Variants in PPP4R4 observed in about 807,000 individuals in gnomAD.
The protein encoded by PPP4R4 is protein phosphatase 4 regulatory subunit 4, also known as serine/threonine-protein phosphatase 4 regulatory subunit 4.
PPP4R4 carries 70 observed loss-of-function variants against 121.8 expected under a neutral mutation model. The ratio of observed to expected loss-of-function variants is 0.57; its 90% CI spans 0.47 to 0.70. The LOEUF is 0.70. PPP4R4 is among the 30% of genes least tolerant of loss of function. The pLI is 0.00. For synonymous variants in PPP4R4, 348 were observed against 355.7 expected (o/e 0.98, Z 0.24); for missense variants, 875 against 1,033.6 (o/e 0.85, Z 2.10).
intron 14 of PPP4R4, among the ~76,000 whole-genome samples, chr14:94,249,170 A>T (rs1566689031): frequency 6.6e-6 from 1 of 152,066 alleles, no homozygotes; most frequent in Non-Finnish European, 1.5e-5. Flanking sequence ...AATGAAAGAA[A>T]AGAATAATAT....
chr14:94,190,936 T>C (rs969649034), intron 2 of PPP4R4, among the ~76,000 whole-genome samples: 3 of 151,724 alleles, frequency 2.0e-5, no homozygotes, highest in African/African-American at 4.8e-5. Flanking sequence ...TGACCCTACA[T>C]ATACAGACAC....
At position 94,242,340 on chromosome 14, in the gene PPP4R4, A is replaced by G. The variant is rs1443805257; in HGVS notation, c.1198A>G (p.Thr400Ala). The change falls in exon 11 of 25, where the codon ACA (threonine) becomes GCA (alanine). Residue 400 changes from threonine to alanine, a missense_variant. Physicochemically the swap from Thr to Ala is moderately conservative, Grantham distance 58 (BLOSUM62 0). Coordinates refer to ENST00000304338, the MANE Select transcript of PPP4R4 (RefSeq NM_058237.2). ...AAACTTCCACATGGAACTCTATTCT[A>G]CATTCTTCTGCCTTTGCCATGACCC... The part of the protein sequence containing the change: ...PKNFHMELYS[T>A]FFCLCHDPEV... 5 of 1,608,884 alleles carry G rather than the reference A, an allele frequency of 3.1e-6. No individual in the cohort carries two copies. The Admixed American group carries it at 5.0e-5, about 16-fold the overall frequency.
At chr14:94,212,947 A>G (rs1890821572) in intron 3 of PPP4R4, among the ~76,000 whole-genome samples, 1 of 152,214 alleles carries the variant, frequency 6.6e-6, no homozygotes, top group Non-Finnish European at 1.5e-5. Flanking sequence ...CATTTTGGCA[A>G]CCATAAATTT....
rs139248222 is a variant in PPP4R4, at chr14:94,276,611, C to T, written c.2597+1090C>T. 3.3e-5 allele frequency among the ~76,000 whole-genome samples: 5 copies of T among 149,796 alleles called. No individual in the cohort carries two copies. In the East Asian group the frequency reaches 9.9e-4, roughly 30 times the overall value. On this transcript the variant is annotated intron_variant, in intron 24 of 24. Coordinates refer to ENST00000304338, the MANE Select transcript of PPP4R4 (RefSeq NM_058237.2). ...TAAATGATCAGATCTTGCGAGAACT[C>T]ACTGTCACAAAGAAAACACCAAGCC...
chr14:94,223,928 T>TAGAA, intron 3 of PPP4R4, among the ~76,000 whole-genome samples: 1 of 152,240 alleles, frequency 6.6e-6, no homozygotes, highest in Admixed American at 6.5e-5. Flanking sequence ...GATTGTTTTC[T>TAGAA]AACAATACGT....
chr14:94,177,369 T>TTA (rs1433277686), intron 2 of PPP4R4, among the ~76,000 whole-genome samples: 1 of 152,240 alleles, frequency 6.6e-6, no homozygotes, highest in African/African-American at 2.4e-5. Context: ...TTTTGGGTGT[T>TTA]TACTTAGAGA....
At chr14:94,252,712 G>A (rs1231017031) in intron 16 of PPP4R4, among the ~76,000 whole-genome samples, 2 of 152,164 alleles carry the variant, frequency 1.3e-5, no homozygotes, top group Non-Finnish European at 2.9e-5. Context: ...CAGATCTGCA[G>A]GAAAGAGAGA....
At chr14:94,200,069 C>G (rs943735792) in intron 2 of PPP4R4, among the ~76,000 whole-genome samples, 2 of 152,102 alleles carry the variant, frequency 1.3e-5, no homozygotes, top group Admixed American at 1.3e-4. Context: ...CGGCACTTCC[C>G]TGCACCCCCT....
chr14:94,228,435 G>A (rs1891837788), intron 3 of PPP4R4, among the ~76,000 whole-genome samples: 1 of 152,130 alleles, frequency 6.6e-6, no homozygotes, highest in South Asian at 2.1e-4. Context: ...ATCCCCTATT[G>A]TGATGACTGA....
At chr14:94,206,659 G>A (rs1488549833) in intron 2 of PPP4R4, among the ~76,000 whole-genome samples, 2 of 151,684 alleles carry the variant, frequency 1.3e-5, no homozygotes, top group African/African-American at 4.8e-5. Context: ...TAATGTTCCT[G>A]ACATCTGTTC....
At chr14:94,186,709 C>T (rs1889305426) in intron 2 of PPP4R4, among the ~76,000 whole-genome samples, 1 of 152,186 alleles carries the variant, frequency 6.6e-6, no homozygotes, top group Non-Finnish European at 1.5e-5. Context: ...TACATTTCCA[C>T]CAGCAGTATA....
intron 14 of PPP4R4, among the ~76,000 whole-genome samples, chr14:94,247,521 A>G (rs374624420): frequency 1.4e-4 from 21 of 152,212 alleles, no homozygotes; most frequent in African/African-American, 2.4e-5. Flanking sequence ...TACTGAAACT[A>G]TTCAAAAAAT....
At chr14:94,235,442 C>T (rs1892289543) in intron 7 of PPP4R4, among the ~76,000 whole-genome samples, 1 of 137,588 alleles carries the variant, frequency 7.3e-6, no homozygotes. Context: ...CTCTGTCACC[C>T]AGGCTGGAGT....
At chr14:94,262,743 TC>T (rs1308777142) in intron 19 of PPP4R4, among the ~76,000 whole-genome samples, 8 of 152,126 alleles carry the variant, frequency 5.3e-5, no homozygotes, top group Non-Finnish European at 7.4e-5. Context: ...TAAATTTCCC[TC>T]TGGTATTTTT....
intron 19 of PPP4R4, among the ~76,000 whole-genome samples, chr14:94,260,608 T>C (rs1017383724): frequency 2.6e-5 from 4 of 152,182 alleles, no homozygotes; most frequent in African/African-American, 7.2e-5. Context: ...ATCTTGTCTT[T>C]GCTTACTGGC....
rs766859856 is a variant in PPP4R4, at chr14:94,259,293, A to G, written c.2053-2A>G. The stretch of plus-strand genomic sequence containing the variant: ...CACAATTTCATTTTAAACTTTAAAC[A>G]GTTTCAGAAAAAGTTTTATGAGAAA... On this transcript the variant is annotated splice_acceptor_variant, in intron 18 of 24. Transcript: ENST00000304338. LOFTEE classifies it high-confidence loss of function. 3.1e-6 allele frequency: 5 copies of G among 1,600,994 alleles called. No individual in the cohort carries two copies. The highest frequency in any genetic ancestry group is 4.3e-6 in the Non-Finnish European group (5 of 1,175,784).
At chr14:94,250,405 T>C in intron 15 of PPP4R4, 128 bp downstream of exon 15, 1 of 616,286 alleles carries the variant, frequency 1.6e-6, no homozygotes, top group South Asian at 2.2e-5. Flanking sequence ...AAGATGATTT[T>C]TATTTTCTAG....
chr14:94,230,388 T>C (rs1414426197), intron 3 of PPP4R4, among the ~76,000 whole-genome samples, 199 bp from the exon 4 acceptor site: 1 of 152,226 alleles, frequency 6.6e-6, no homozygotes, highest in East Asian at 1.9e-4. Flanking sequence ...CCTAAGACAC[T>C]TAAATTTTAT....
intron 6 of PPP4R4, among the ~76,000 whole-genome samples, chr14:94,234,232 A>G (rs865950549): frequency 6.6e-6 from 1 of 152,190 alleles, no homozygotes; most frequent in Non-Finnish European, 1.5e-5. Context: ...TATAATTATG[A>G]TACAAGAGTA....
Sources: allele counts gnomAD v4.1 joint callset (sites outside exome capture counted in the v4.1 genomes callset), GRCh38; gene constraint gnomAD v4.1.1; transcripts MANE v1.5; gene names NCBI Gene and HGNC (gene_info 2026-07-23, HGNC 2026-07-21).